The following NFASC variants were observed in gnomAD, a reference collection of about 807,000 sequenced individuals.
NFASC encodes the protein neurofascin.
In NFASC, 43 loss-of-function variants were observed where a neutral mutation model predicts 147.5. That is an observed-to-expected ratio of 0.29 (90% CI 0.23 to 0.38). The LOEUF is 0.38. NFASC is among the 10% of genes least tolerant of loss of function. The pLI, the probability that NFASC is intolerant of heterozygous loss-of-function variation, is 1.00. For synonymous variants in NFASC, 622 were observed against 665.5 expected, an observed-to-expected ratio of 0.93 and a Z score of 1.01; for missense variants, 1,320 against 1,689.0, an observed-to-expected ratio of 0.78 and a Z score of 3.83.
intron 1 of NFASC, among the ~76,000 whole-genome samples, chr1:204,880,398 C>A (rs563855559): frequency 9.3e-4 from 142 of 152,208 alleles, no homozygotes; most frequent in African/African-American, 3.3e-3. Flanking sequence ...CTCTGTTGCC[C>A]AGGCTGGAGT....
intron 1 of NFASC, among the ~76,000 whole-genome samples, chr1:204,837,949 A>G (rs554937891): frequency 1.3e-5 from 2 of 152,336 alleles, no homozygotes; most frequent in South Asian, 4.1e-4. Flanking sequence ...TTTTGGGTTT[A>G]CATGAGAATT....
chr1:204,974,165 T>A lies in NFASC; in HGVS notation c.1280-14T>A, dbSNP rs1173019471. ...TAGACTTGGCACTCGAGATTGCTTC[T>A]CTGGGAATTTCAGATGTGCCGCCTC... On this transcript the variant is annotated splice_polypyrimidine_tract_variant and intron_variant, in intron 12 of 29. Transcript: ENST00000339876. 1 of 1,609,428 alleles carries A rather than the reference T, an allele frequency of 6.2e-7. No homozygotes were observed. The highest frequency in any genetic ancestry group is 1.3e-5 in the African/African-American group (1 of 74,892).
At chr1:204,982,140 A>G in intron 21 of NFASC, 120 bp downstream of exon 21, 1 of 605,682 alleles carries the variant, frequency 1.7e-6, no homozygotes, top group Non-Finnish European at 2.8e-6. Flanking sequence ...CCAGGAAGGA[A>G]AAATGTTCTG....
At chr1:204,902,171 T>C (rs1321905265) in intron 1 of NFASC, among the ~76,000 whole-genome samples, 1 of 152,134 alleles carries the variant, frequency 6.6e-6, no homozygotes, top group African/African-American at 2.4e-5. Flanking sequence ...GATACACACC[T>C]GTAGTCACAG....
intron 1 of NFASC, among the ~76,000 whole-genome samples, chr1:204,854,332 TG>T (rs1253223382): frequency 2.6e-5 from 4 of 152,144 alleles, no homozygotes; most frequent in Non-Finnish European, 5.9e-5. Flanking sequence ...GTAAGGGAGC[TG>T]GCACCTGGGA....
intron 2 of NFASC, among the ~76,000 whole-genome samples, chr1:204,923,742 C>T (rs1242745592): frequency 1.2e-4 from 19 of 152,082 alleles, no homozygotes; most frequent in Non-Finnish European, 2.9e-5. Flanking sequence ...GAGGCAGCCC[C>T]CATGCTTAGC....
intron 8 of NFASC, among the ~76,000 whole-genome samples, chr1:204,960,190 G>C (rs1482357151): frequency 6.6e-6 from 1 of 152,214 alleles, no homozygotes; most frequent in Non-Finnish European, 1.5e-5. Flanking sequence ...ATTCTCACCA[G>C]GCACTCCTGT....
At chr1:204,938,352 CAG>C (rs1326418090) in intron 2 of NFASC, among the ~76,000 whole-genome samples, 2 of 152,232 alleles carry the variant, frequency 1.3e-5, no homozygotes, top group Non-Finnish European at 2.9e-5. Context: ...CAAACCCACT[CAG>C]GGGCAGCAGC....
At chr1:204,830,006 G>GGGGTGTGTGT (rs1159206312) in intron 1 of NFASC, among the ~76,000 whole-genome samples, 6 of 144,012 alleles carry the variant, frequency 4.2e-5, no homozygotes, top group Admixed American at 4.1e-4. Flanking sequence ...TTTGGCATGG[G>GGGGTGTGTGT]GTGTGTGTGT....
chr1:204,832,348 G>A (rs1672453853), intron 1 of NFASC, among the ~76,000 whole-genome samples: 1 of 152,182 alleles, frequency 6.6e-6, no homozygotes, highest in African/African-American at 2.4e-5. Flanking sequence ...AGCTACTCGT[G>A]TGTAGGCAAG....
chr1:204,840,044 C>T (rs962054295), intron 1 of NFASC, among the ~76,000 whole-genome samples: 1 of 152,152 alleles, frequency 6.6e-6, no homozygotes, highest in Non-Finnish European at 1.5e-5. Context: ...AGGAGTCTGC[C>T]CTTCACCATC....
chr1:204,968,632 CTG>C lies in NFASC; in HGVS notation c.819-163_819-162del. On this transcript the variant is annotated intron_variant, in intron 9 of 29. Coordinates refer to ENST00000339876, the MANE Select transcript of NFASC (RefSeq NM_001005388.3). This position sits in a 1 kb window ranked among gnomAD's most constrained non-coding sequence, Gnocchi z 5.4. ...GACCTTAGCTAAGCCTTCAGGCTCTCTGTGGCTGAGCATCCTCCTCTGCACAG... is the reference window on the plus strand; with the variant it reads ...GACCTTAGCTAAGCCTTCAGGCTCTCTGGCTGAGCATCCTCCTCTGCACAG... 1.5e-6 allele frequency: 1 copy of C among 662,162 alleles called. No homozygotes were observed. Among genetic ancestry groups the C allele is most frequent in the Non-Finnish European group, 2.6e-6 (1 of 391,978 alleles). 41.0% of individuals were successfully genotyped at this position (662,162 alleles called of 1,614,324 possible). A position where few individuals can be genotyped will look rare whatever the true frequency, so the allele number is the denominator to read the frequency against.
chr1:204,991,279 C>T lies in NFASC; in HGVS notation c.2768-13C>T. ...TCCCTCTGTCTGGCCATCTTGGGCG[C>T]TGTGTTCTGAAGCTACTCCAACCGC... On this transcript the variant is annotated splice_polypyrimidine_tract_variant and intron_variant, in intron 23 of 29. Transcript: ENST00000339876. The T allele has an allele frequency of 6.2e-7, 1 of 1,612,732 alleles. No homozygotes were observed. Among genetic ancestry groups the T allele is most frequent in the African/African-American group, 1.3e-5 (1 of 75,038 alleles).
chr1:204,867,040 A>C (rs1464484705), intron 1 of NFASC, among the ~76,000 whole-genome samples: 1 of 152,192 alleles, frequency 6.6e-6, no homozygotes, highest in African/African-American at 2.4e-5. Context: ...GAAACAAAAA[A>C]AGCAGCAGTG....
chr1:204,898,788 G>A (rs997798192), intron 1 of NFASC, among the ~76,000 whole-genome samples: 14 of 152,316 alleles, frequency 9.2e-5, no homozygotes, highest in Non-Finnish European at 1.3e-4. Flanking sequence ...ACAAGGTCCC[G>A]TGTAGTTCAT....
chr1:204,943,044 T>A (rs540533042), intron 2 of NFASC, among the ~76,000 whole-genome samples: 1 of 152,200 alleles, frequency 6.6e-6, no homozygotes, highest in Admixed American at 6.5e-5. Context: ...AGATGGTGCA[T>A]GTGCACAATT....
rs571673516 is a variant in NFASC at position 204,954,400 on chromosome 1, C to T, written c.412+16C>T. 1 of 1,610,870 alleles carries T rather than the reference C, an allele frequency of 6.2e-7. No homozygotes were observed. Among genetic ancestry groups the T allele is most frequent in the Non-Finnish European group, 8.5e-7 (1 of 1,178,090 alleles). ...CAGGTGTCTAGTGAGTAGCGTGGGG[C>T]AGGGCTGAAATGCCCTGCTCCTGGG... is the stretch of plus-strand genomic sequence containing the variant. On this transcript the variant is annotated intron_variant, in intron 6 of 29. Coordinates refer to ENST00000339876, the MANE Select transcript of NFASC (RefSeq NM_001005388.3). This position sits in a 1 kb window ranked among gnomAD's most constrained non-coding sequence, Gnocchi z 5.7.
intron 26 of NFASC, 106 bp downstream of exon 26, chr1:205,001,392 A>G (rs2095982048): frequency 1.4e-6 from 1 of 714,422 alleles, no homozygotes; most frequent in Admixed American, 2.1e-5. Flanking sequence ...CCAGGCTCAG[A>G]GAGGCCTTTT....
At chr1:204,877,010 A>ATATATATATATATAATATATATT (rs2078968842) in intron 1 of NFASC, among the ~76,000 whole-genome samples, 2 of 111,030 alleles carry the variant, frequency 1.8e-5, no homozygotes, top group African/African-American at 8.2e-5. Context: ...ATATATATAT[A>ATATATATATATATAATATATATT]TATATATATA....
Sources: allele counts gnomAD v4.1 joint callset (sites outside exome capture counted in the v4.1 genomes callset), GRCh38; gene constraint gnomAD v4.1.1; non-coding constraint Gnocchi (gnomAD v3.1); transcripts MANE v1.5; gene names NCBI Gene and HGNC (gene_info 2026-07-23, HGNC 2026-07-21).